Variants in ANAPC1 observed in about 807,000 individuals in gnomAD.
The protein encoded by ANAPC1 is anaphase promoting complex subunit 1.
ANAPC1 carries 36 observed loss-of-function variants against 208.0 expected under a neutral mutation model. The ratio of observed to expected loss-of-function variants is 0.17; its 90% CI spans 0.13 to 0.23. The LOEUF is 0.23. Ranked by LOEUF, ANAPC1 falls within the 10% of genes least tolerant of loss-of-function variation. ANAPC1 has a pLI of 1.00. For missense variants in ANAPC1, 942 were observed against 2,011.6 expected (o/e 0.47, Z 10.17); for synonymous variants, 378 against 695.2 (o/e 0.54, Z 7.18).
chr2:111,851,969 G>A (rs1313664447), intron 13 of ANAPC1, among the ~76,000 whole-genome samples: 4 of 152,212 alleles, frequency 2.6e-5, no homozygotes, highest in South Asian at 4.1e-4. Context: ...TATTAACAAC[G>A]TACGTATTCA....
chr2:111,858,681 G>T (rs1330633330), intron 10 of ANAPC1, among the ~76,000 whole-genome samples: 1 of 150,174 alleles, frequency 6.7e-6, no homozygotes, highest in Non-Finnish European at 1.5e-5. Context: ...AGAATGGCAT[G>T]AACCCAGGAG....
In ANAPC1 at chr2:111,863,664, A is replaced by G. The variant is rs1216262093; in HGVS notation, c.1052+11T>C. On this transcript the variant is annotated intron_variant, in intron 9 of 47. Transcript: ENST00000341068. ...GAAAGCTTAGAAAGAAAAACCAGGA[A>G]ACCCTTATACCTTAGAGCTGCCATG... is the stretch of plus-strand genomic sequence containing the variant. 6.2e-7 allele frequency: 1 copy of G among 1,606,920 alleles called. No individual in the cohort carries two copies. Among genetic ancestry groups the G allele is most frequent in the African/African-American group, 1.3e-5 (1 of 74,550 alleles).
At chr2:111,819,137 T>C in intron 26 of ANAPC1, 179 bp from the exon 27 acceptor site, 1 of 912,924 alleles carries the variant, frequency 1.1e-6, no homozygotes, top group Non-Finnish European at 1.3e-6. Context: ...AATATTCTTG[T>C]TCCTATTACA....
At chr2:111,859,733 G>C (rs942504694) in intron 10 of ANAPC1, among the ~76,000 whole-genome samples, 1 of 152,034 alleles carries the variant, frequency 6.6e-6, no homozygotes, top group African/African-American at 2.4e-5. Flanking sequence ...GATAAAACGA[G>C]GCTCTAAGGC....
chr2:111,824,377 A>G (rs1161266217), intron 24 of ANAPC1, among the ~76,000 whole-genome samples: 1 of 152,046 alleles, frequency 6.6e-6, no homozygotes, highest in African/African-American at 2.4e-5. Flanking sequence ...TTTTAAAATC[A>G]TGTCTTCGTG....
At chr2:111,883,421 A>G (rs942783090) in intron 1 of ANAPC1, among the ~76,000 whole-genome samples, 12 of 152,148 alleles carry the variant, frequency 7.9e-5, no homozygotes, top group Admixed American at 6.5e-4. Context: ...CCAAACTTTT[A>G]GAAATGTTTT....
chr2:111,767,043 C>T (rs566656772), downstream of ANAPC1: 698 of 463,270 alleles, frequency 1.5e-3, no homozygotes, highest in Admixed American at 2.5e-3. Context: ...GAAAGAACCA[C>T]CACTCTGAGT....
intron 3 of ANAPC1, 60 bp from the exon 4 acceptor site, chr2:111,873,724 T>A (rs1353221196): frequency 1.4e-6 from 2 of 1,469,320 alleles, no homozygotes; most frequent in Non-Finnish European, 1.8e-6. Context: ...ATCTATTAAC[T>A]AATGGCATCT....
chr2:111,766,862 T>C, downstream of ANAPC1: 1 of 399,926 alleles, frequency 2.5e-6, no homozygotes, highest in South Asian at 2.0e-5. Flanking sequence ...ACATGCCCCT[T>C]ACCATGAGCT....
At chr2:111,769,645 A>AT (rs1260042297) in intron 47 of ANAPC1, among the ~76,000 whole-genome samples, 3 of 143,826 alleles carry the variant, frequency 2.1e-5, no homozygotes, top group Non-Finnish European at 3.0e-5. Context: ...ATTTTTTTAG[A>AT]TTTTGGAATA....
At chr2:111,799,495 G>A (rs1040793109) in intron 34 of ANAPC1, among the ~76,000 whole-genome samples, 11 of 151,768 alleles carry the variant, frequency 7.2e-5, no homozygotes, top group Non-Finnish European at 1.3e-4. Flanking sequence ...TCCCTAATCC[G>A]AAAATCCAAA....
intron 13 of ANAPC1, among the ~76,000 whole-genome samples, chr2:111,852,242 G>C (rs1418792801): frequency 6.7e-6 from 1 of 149,522 alleles, no homozygotes; most frequent in East Asian, 1.9e-4. Context: ...AGACAAACTG[G>C]CTAGTAACCT....
At chr2:111,790,661 T>C (rs979610950) in intron 38 of ANAPC1, among the ~76,000 whole-genome samples, 2 of 151,608 alleles carry the variant, frequency 1.3e-5, no homozygotes, top group Non-Finnish European at 2.9e-5. Flanking sequence ...TAAGAAAATA[T>C]TTCATAAACA....
chr2:111,877,357 T>A (rs1171785798), intron 3 of ANAPC1, among the ~76,000 whole-genome samples: 2 of 152,180 alleles, frequency 1.3e-5, no homozygotes, highest in African/African-American at 4.8e-5. Context: ...CCCACCTTTT[T>A]TTCTTTCTCC....
intron 28 of ANAPC1, among the ~76,000 whole-genome samples, chr2:111,810,071 T>A (rs1161385651): frequency 2.0e-5 from 3 of 151,812 alleles, no homozygotes; most frequent in African/African-American, 7.3e-5. Flanking sequence ...ATTCATCAAC[T>A]TATGAATAAA....
intron 19 of ANAPC1, among the ~76,000 whole-genome samples, chr2:111,834,179 T>C (rs1394269198): frequency 6.6e-6 from 1 of 152,200 alleles, no homozygotes; most frequent in African/African-American, 2.4e-5. Context: ...TTAGGCAAGT[T>C]TCCTCATCAC....
intron 10 of ANAPC1, among the ~76,000 whole-genome samples, chr2:111,861,817 TTAACTG>T (rs1682083727): frequency 8.4e-6 from 1 of 118,584 alleles, no homozygotes; most frequent in African/African-American, 2.9e-5. Flanking sequence ...CGGATGGAAA[TTAACTG>T]TTTCTCCCCA....
intron 34 of ANAPC1, among the ~76,000 whole-genome samples, chr2:111,798,951 G>C (rs1328663679): frequency 1.3e-5 from 2 of 151,238 alleles, no homozygotes; most frequent in Admixed American, 1.3e-4. Context: ...GGAGAATGGC[G>C]TGAACCTGGG....
chr2:111,788,677 G>A (rs557322209), intron 38 of ANAPC1, among the ~76,000 whole-genome samples: 13 of 144,558 alleles, frequency 9.0e-5, no homozygotes, highest in African/African-American at 3.7e-4. Context: ...TTTTATTAAT[G>A]TATATGCCTA....
Sources: gnomAD v4.1 joint callset for allele counts (sites outside exome capture counted in the v4.1 genomes callset) on GRCh38, gnomAD v4.1.1 for gene constraint, MANE v1.5 for transcripts, NCBI Gene and HGNC (gene_info 2026-07-23, HGNC 2026-07-21) for gene names.